FARS2: variants seen among roughly 807,000 people sequenced by gnomAD.
FARS2 encodes phenylalanyl-tRNA synthetase 2, mitochondrial, also known as phenylalanine--tRNA ligase, mitochondrial.
A neutral mutation model predicts 46.4 loss-of-function variants in FARS2; 40 were observed. That is an observed-to-expected ratio of 0.86 (90% CI 0.67 to 1.12). The LOEUF (loss-of-function observed/expected upper bound fraction) is 1.12. Ranked by LOEUF, FARS2 falls within the 50% of genes most tolerant of loss-of-function variation. The pLI is 0.00. For missense variants in FARS2, 513 were observed against 567.9 expected, an observed-to-expected ratio of 0.90 and a Z score of 0.98; for synonymous variants, 234 against 214.9, an observed-to-expected ratio of 1.09 and a Z score of -0.78.
At chr6:5,624,052 G>C (rs1439869417) in intron 6 of FARS2, among the ~76,000 whole-genome samples, 1 of 152,312 alleles carries the variant, frequency 6.6e-6, no homozygotes, top group Admixed American at 6.5e-5. Flanking sequence ...ACACTGCCAG[G>C]CCTCTTTAAA....
chr6:5,660,496 A>T (rs1777798810), intron 6 of FARS2, among the ~76,000 whole-genome samples: 1 of 152,056 alleles, frequency 6.6e-6, no homozygotes, highest in Non-Finnish European at 1.5e-5. Context: ...AAAATTAAAA[A>T]ATTGGCTGGG....
chr6:5,441,782 A>G (rs1763856379), intron 4 of FARS2, among the ~76,000 whole-genome samples: 1 of 152,242 alleles, frequency 6.6e-6, no homozygotes, highest in Non-Finnish European at 1.5e-5. Flanking sequence ...AGAATTGCTA[A>G]AAGTCAGCAC....
chr6:5,365,407 C>T (rs1758600393), intron 1 of FARS2, among the ~76,000 whole-genome samples: 1 of 131,238 alleles, frequency 7.6e-6, no homozygotes, highest in Admixed American at 8.7e-5. Flanking sequence ...TCCTGGCTTA[C>T]TGAAGCCTGA....
chr6:5,557,497 T>A (rs1771729750), intron 5 of FARS2, among the ~76,000 whole-genome samples: 1 of 152,142 alleles, frequency 6.6e-6, no homozygotes. Context: ...GTCAGAGTGG[T>A]CTGTGAAGTT....
chr6:5,479,961 G>A (rs1269879590), intron 4 of FARS2, among the ~76,000 whole-genome samples: 2 of 152,212 alleles, frequency 1.3e-5, no homozygotes, highest in Admixed American at 6.5e-5. Flanking sequence ...GGGACCTACG[G>A]CCCCCTTCTG....
intron 6 of FARS2, among the ~76,000 whole-genome samples, chr6:5,753,503 G>A (rs1406368891): frequency 6.6e-6 from 1 of 152,168 alleles, no homozygotes; most frequent in Non-Finnish European, 1.5e-5. Flanking sequence ...AAGTGAATGA[G>A]TGTCTTTTAA....
At chr6:5,344,942 A>T (rs1385699483) in intron 1 of FARS2, among the ~76,000 whole-genome samples, 2 of 151,792 alleles carry the variant, frequency 1.3e-5, no homozygotes, top group Admixed American at 1.3e-4. Flanking sequence ...GGTGCGTAAC[A>T]CCACACCTGA....
At chr6:5,456,626 G>A (rs928660666) in intron 4 of FARS2, among the ~76,000 whole-genome samples, 4 of 150,832 alleles carry the variant, frequency 2.7e-5, no homozygotes, top group Non-Finnish European at 4.4e-5. Flanking sequence ...TCAGCCTCAT[G>A]AGGCTGAGGC....
chr6:5,455,631 C>T (rs761389482), intron 4 of FARS2, among the ~76,000 whole-genome samples: 8 of 152,162 alleles, frequency 5.3e-5, no homozygotes, highest in Non-Finnish European at 1.2e-4. Flanking sequence ...CTTTGGAGAT[C>T]TATAAACTGC....
chr6:5,592,749 T>C (rs1043264583), intron 5 of FARS2, among the ~76,000 whole-genome samples: 8 of 152,240 alleles, frequency 5.3e-5, no homozygotes, highest in African/African-American at 1.9e-4. Flanking sequence ...TATACCCTGC[T>C]TTGTCTCCCC....
At chr6:5,432,502 T>C (rs1224820988) in intron 4 of FARS2, among the ~76,000 whole-genome samples, 1 of 121,524 alleles carries the variant, frequency 8.2e-6, no homozygotes, top group Non-Finnish European at 1.6e-5. Context: ...TATATATATT[T>C]TTTATATCCC....
intron 1 of FARS2, among the ~76,000 whole-genome samples, chr6:5,323,008 C>T (rs949233269): frequency 1.3e-5 from 2 of 152,096 alleles, no homozygotes; most frequent in Middle Eastern, 3.2e-3. Context: ...TATTTGAAAG[C>T]TTTCTTTTGG....
At chr6:5,428,614 A>T (rs1472230346) in intron 3 of FARS2, among the ~76,000 whole-genome samples, 1 of 152,188 alleles carries the variant, frequency 6.6e-6, no homozygotes, top group African/African-American at 2.4e-5. Flanking sequence ...ACTCACTTCC[A>T]TGTCCCAAGA....
intron 1 of FARS2, among the ~76,000 whole-genome samples, chr6:5,313,412 C>T (rs914442762): frequency 1.3e-5 from 2 of 152,170 alleles, no homozygotes; most frequent in South Asian, 2.1e-4. Flanking sequence ...GACGCAGGGC[C>T]GTTCCTTATC....
chr6:5,739,072 T>C (rs1761141129), intron 6 of FARS2, among the ~76,000 whole-genome samples: 1 of 152,188 alleles, frequency 6.6e-6, no homozygotes, highest in Non-Finnish European at 1.5e-5. Flanking sequence ...CTGTTTTCCA[T>C]CTCTATAATT....
intron 3 of FARS2, among the ~76,000 whole-genome samples, chr6:5,421,371 G>A (rs981641126): frequency 6.6e-6 from 1 of 152,188 alleles, no homozygotes; most frequent in African/African-American, 2.4e-5. Flanking sequence ...GTGATGAGAA[G>A]GGCTGCCACA....
At chr6:5,742,043 T>C (rs1171772678) in intron 6 of FARS2, among the ~76,000 whole-genome samples, 1 of 152,228 alleles carries the variant, frequency 6.6e-6, no homozygotes, top group Admixed American at 6.5e-5. Context: ...CCAGCTATTC[T>C]GCCCAAGACA....
chr6:5,405,628 G>A (rs1167613637), intron 3 of FARS2, among the ~76,000 whole-genome samples: 1 of 151,758 alleles, frequency 6.6e-6, no homozygotes, highest in African/African-American at 2.4e-5. Context: ...GAGTAGCTGG[G>A]ATGACAGGCG....
rs899151482 is a variant in FARS2, at chr6:5,300,304, T to G, written c.-22+38644T>G. On this transcript the variant is annotated intron_variant, in intron 1 of 6. Coordinates refer to ENST00000274680, the MANE Select transcript of FARS2 (RefSeq NM_006567.5). ...TGTGTACATGTAAGTATATATAACA[T>G]AAGCATGTCCAAATGTTATGTCTGT... Among the ~76,000 whole-genome samples, 10 of 152,346 alleles carry G rather than the reference T, an allele frequency of 6.6e-5. No individual in the cohort carries two copies. In the East Asian group the frequency reaches 1.5e-3, roughly 23 times the overall value.
Sources: allele counts gnomAD v4.1 joint callset (sites outside exome capture counted in the v4.1 genomes callset), GRCh38; gene constraint gnomAD v4.1.1; transcripts MANE v1.5; gene names NCBI Gene and HGNC (gene_info 2026-07-23, HGNC 2026-07-21).